Variants in SCAMP1 observed in about 807,000 individuals in gnomAD.
The protein encoded by SCAMP1 is secretory carrier-associated membrane protein 1.
Under a neutral mutation model 41.8 loss-of-function variants are expected in SCAMP1, and 15 were observed. The observed-to-expected ratio is 0.36, with a 90% CI of 0.24 to 0.55. The LOEUF is 0.55. SCAMP1 is among the 20% of genes least tolerant of loss of function. The probability of loss-of-function intolerance (pLI) is 0.86; values close to 1 mark genes in which losing one functional copy is unlikely to be tolerated. For missense variants in SCAMP1, 341 were observed against 412.6 expected, an observed-to-expected ratio of 0.83 and a Z score of 1.50; for synonymous variants, 135 against 136.8, an observed-to-expected ratio of 0.99 and a Z score of 0.09.
intron 6 of SCAMP1, among the ~76,000 whole-genome samples, chr5:78,430,179 A>T (rs374982853): frequency 0.053 from 358 of 6,752 alleles, 18 homozygotes; most frequent in African/African-American, 0.11. Flanking sequence ...TTATAAATAC[A>T]GTATTTATTT....
intron 8 of SCAMP1, among the ~76,000 whole-genome samples, chr5:78,473,977 A>AT (rs1753945240): frequency 6.6e-6 from 1 of 152,092 alleles, no homozygotes; most frequent in Non-Finnish European, 1.5e-5. Flanking sequence ...TCAGTATCTC[A>AT]GGGGGGCCAA....
chr5:78,364,284 C>G (rs1750739477), intron 1 of SCAMP1, among the ~76,000 whole-genome samples: 1 of 152,132 alleles, frequency 6.6e-6, no homozygotes, highest in African/African-American at 2.4e-5. Context: ...GCAGTTTGTT[C>G]ATAAAAGGAA....
intron 2 of SCAMP1, among the ~76,000 whole-genome samples, chr5:78,404,463 T>TTTTTG (rs1751883084): frequency 6.8e-6 from 1 of 148,144 alleles, no homozygotes; most frequent in African/African-American, 2.5e-5. Context: ...GTTTTTTTTT[T>TTTTTG]TTTTTTTTTT....
chr5:78,365,781 T>A (rs548317016), intron 1 of SCAMP1, among the ~76,000 whole-genome samples: 3 of 152,174 alleles, frequency 2.0e-5, no homozygotes, highest in African/African-American at 2.4e-5. Flanking sequence ...TTAATTTTAG[T>A]CTATTGAAAT....
chr5:78,455,642 GA>G (rs1211062745), intron 7 of SCAMP1, among the ~76,000 whole-genome samples: 1 of 124,914 alleles, frequency 8.0e-6, no homozygotes, highest in Non-Finnish European at 1.7e-5. Flanking sequence ...GTGTGGTGCT[GA>G]AAAAAATGTA....
intron 7 of SCAMP1, among the ~76,000 whole-genome samples, chr5:78,456,153 G>T (rs1380492717): frequency 8.1e-6 from 1 of 123,374 alleles, no homozygotes; most frequent in African/African-American, 3.2e-5. Flanking sequence ...GCCAGTCTGT[G>T]TCTTTTAATT....
At chr5:78,414,638 T>C (rs1752164855) in intron 2 of SCAMP1, among the ~76,000 whole-genome samples, 1 of 152,218 alleles carries the variant, frequency 6.6e-6, no homozygotes, top group South Asian at 2.1e-4. Context: ...TAATTTATTC[T>C]CATGGCTGCA....
intron 1 of SCAMP1, among the ~76,000 whole-genome samples, chr5:78,376,577 C>T (rs1461875943): frequency 2.6e-5 from 4 of 152,142 alleles, no homozygotes; most frequent in African/African-American, 7.2e-5. Context: ...TAAATGATTT[C>T]GCCAGTTTTC....
chr5:78,371,110 C>T (rs1438141543), intron 1 of SCAMP1, among the ~76,000 whole-genome samples: 2 of 151,864 alleles, frequency 1.3e-5, no homozygotes, highest in Non-Finnish European at 2.9e-5. Flanking sequence ...TTCCCATTTT[C>T]TGGGTTGTCT....
intron 2 of SCAMP1, among the ~76,000 whole-genome samples, chr5:78,399,905 G>T (rs1048734165): frequency 2.0e-5 from 3 of 152,110 alleles, no homozygotes; most frequent in Admixed American, 6.5e-5. Context: ...TATCTTCGAG[G>T]AGTTTTATTG....
chr5:78,462,855 A>G (rs975343916), intron 8 of SCAMP1, among the ~76,000 whole-genome samples: 1 of 152,350 alleles, frequency 6.6e-6, no homozygotes, highest in South Asian at 2.1e-4. Flanking sequence ...TATGTATTCA[A>G]ACATGATATT....
chr5:78,479,662 A>G lies in SCAMP1; in HGVS notation c.*3994A>G, dbSNP rs1439767918. On this transcript the variant is annotated 3_prime_UTR_variant, in exon 9 of 9. Transcript: ENST00000621999. ...ATTTGAAGATTGTAGGAAAATAGAG[A>G]AAGACTGTTCTCCAGTTTTCTCACC... Among the ~76,000 whole-genome samples the G allele has an allele frequency of 6.6e-6, 1 of 152,178 alleles. No homozygotes were observed. The highest frequency in any genetic ancestry group is 1.5e-5 in the Non-Finnish European group (1 of 68,034).
In SCAMP1 at chr5:78,477,591, G is replaced by A. The variant is rs943837207; in HGVS notation, c.*1923G>A. 1.3e-5 allele frequency: 2 copies of A among 152,074 alleles called. No homozygotes were observed. 9.4% of individuals were successfully genotyped at this position (152,074 alleles called of 1,614,324 possible). A position where few individuals can be genotyped will look rare whatever the true frequency, so the allele number is the denominator to read the frequency against. On this transcript the variant is annotated 3_prime_UTR_variant, in exon 9 of 9. Transcript: ENST00000621999. ...CACTACAAACAAAAGATATATTAGA[G>A]ACTTTTGAAAAATGCTGAAATACTT... is the stretch of plus-strand genomic sequence containing the variant.
chr5:78,382,598 G>A (rs974619685), intron 1 of SCAMP1, among the ~76,000 whole-genome samples: 11 of 152,126 alleles, frequency 7.2e-5, no homozygotes, highest in Non-Finnish European at 1.5e-4. Flanking sequence ...AGTCCCTGAA[G>A]TTCATTGTAT....
chr5:78,439,121 A>G (rs1489842019), intron 6 of SCAMP1, among the ~76,000 whole-genome samples: 3 of 152,060 alleles, frequency 2.0e-5, no homozygotes, highest in Non-Finnish European at 2.9e-5. Context: ...TGCAGGTGAG[A>G]TGGGTCTCCT....
chr5:78,376,046 A>AC (rs1561251267), intron 1 of SCAMP1, among the ~76,000 whole-genome samples: 1 of 151,952 alleles, frequency 6.6e-6, no homozygotes, highest in Admixed American at 6.6e-5. Flanking sequence ...CTGTTCATAC[A>AC]CCCCCTCCCC....
At chr5:78,425,943 C>T (rs1204100285) in intron 6 of SCAMP1, among the ~76,000 whole-genome samples, 3 of 151,842 alleles carry the variant, frequency 2.0e-5, no homozygotes, top group Non-Finnish European at 2.9e-5. Flanking sequence ...CCCTCCCTCC[C>T]CTTGCCCCCC....
chr5:78,360,716 C>T lies in SCAMP1; in HGVS notation c.45C>T (p.Asn15=). The change falls in exon 1 of 9, where the codon AAC becomes AAT. Residue 15 remains asparagine (N), a synonymous_variant. Transcript: ENST00000621999. Reference sequence around the variant, plus strand: ...ACCCGTTTGCCGACCCGGATCTCAACAATCCCTTCAAGGTGAGCTTCGGCC... The same window carrying T: ...ACCCGTTTGCCGACCCGGATCTCAATAATCCCTTCAAGGTGAGCTTCGGCC... ...DSNPFADPDL[N]NPFKDPSVTQ... The T allele has an allele frequency of 1.2e-6, 2 of 1,609,516 alleles. No individual in the cohort carries two copies. The highest frequency in any genetic ancestry group is 8.5e-7 in the Non-Finnish European group (1 of 1,178,172).
At chr5:78,438,897 C>G (rs973868107) in intron 6 of SCAMP1, among the ~76,000 whole-genome samples, 1 of 152,092 alleles carries the variant, frequency 6.6e-6, no homozygotes. Flanking sequence ...TCTGGGTGCT[C>G]CTGGATTGAG....
Sources: gnomAD v4.1 joint callset for allele counts (sites outside exome capture counted in the v4.1 genomes callset) on GRCh38, gnomAD v4.1.1 for gene constraint, MANE v1.5 for transcripts, NCBI Gene and HGNC (gene_info 2026-07-23, HGNC 2026-07-21) for gene names.